ASB4: variants seen among roughly 807,000 people sequenced by gnomAD.
ASB4 encodes ankyrin repeat and SOCS box containing 4.
Under a neutral mutation model 38.6 loss-of-function variants are expected in ASB4, and 35 were observed. That is an observed-to-expected ratio of 0.91 (90% CI 0.69 to 1.20). ASB4 has a LOEUF of 1.20. Among genes scored for constraint, ASB4 ranks in the 50% most tolerant of loss-of-function variants. ASB4 has a pLI of 0.00. For synonymous variants in ASB4, 195 were observed against 201.3 expected (o/e 0.97, Z 0.26); for missense variants, 557 against 527.2 (o/e 1.06, Z -0.55).
intron 1 of ASB4, among the ~76,000 whole-genome samples, chr7:95,479,403 G>A (rs973399865): frequency 1.3e-5 from 2 of 152,148 alleles, no homozygotes; most frequent in Non-Finnish European, 2.9e-5. Flanking sequence ...TACAACCCTG[G>A]TAATTATTCT....
intron 3 of ASB4, among the ~76,000 whole-genome samples, chr7:95,530,105 C>CAAAAAAAAAAAAAA (rs60923712): frequency 8.0e-5 from 8 of 99,674 alleles, no homozygotes; most frequent in Non-Finnish European, 7.9e-5. Context: ...AAAAGCAGGG[C>CAAAAAAAAAAAAAA]AAAAAAAAAA....
upstream of ASB4, among the ~76,000 whole-genome samples, chr7:95,485,379 C>A (rs1790074170): frequency 6.6e-6 from 1 of 152,010 alleles, no homozygotes; most frequent in Non-Finnish European, 1.5e-5. Context: ...GGACCGTCTC[C>A]CCACCTCCTC....
At chr7:95,545,755 AG>A in the ASB4 span, among the ~76,000 whole-genome samples, 1 of 152,216 alleles carries the variant, frequency 6.6e-6, no homozygotes, top group South Asian at 2.1e-4. Context: ...AATAGATTGC[AG>A]GTGAGAGATC....
In ASB4 at chr7:95,540,161, A is replaced by G. The variant is rs1352325016; in HGVS notation, c.*2402A>G. 6.6e-6 allele frequency: 1 copy of G among 152,108 alleles called. No homozygotes were observed. The highest frequency in any genetic ancestry group is 2.4e-5 in the African/African-American group (1 of 41,412). The allele number at this position is 152,108 out of a possible 1,614,324, so 9.4% of individuals were successfully genotyped here. The stretch of plus-strand genomic sequence containing the variant: ...TTGTTTGTAATTTTTTTATTGGTGG[A>G]ATTAAAGTAATTTTTCCTTATCTTT... On this transcript the variant is annotated 3_prime_UTR_variant, in exon 5 of 5. Transcript: ENST00000325885.
At chr7:95,484,136 G>A (rs1451003453), upstream of ASB4, among the ~76,000 whole-genome samples, 1 of 150,316 alleles carries the variant, frequency 6.7e-6, no homozygotes, top group Non-Finnish European at 1.5e-5. Context: ...GAGATCAGCC[G>A]GGGGAACATG....
upstream of ASB4, among the ~76,000 whole-genome samples, chr7:95,476,133 A>C (rs1789974569): frequency 6.6e-6 from 1 of 152,158 alleles, no homozygotes; most frequent in African/African-American, 2.4e-5. Context: ...AGTATGGTCT[A>C]ATTTCATTCG....
In ASB4 at chr7:95,538,436, C is replaced by G. The variant is rs1251406923; in HGVS notation, c.*677C>G. On this transcript the variant is annotated 3_prime_UTR_variant, in exon 5 of 5. Coordinates refer to ENST00000325885, the MANE Select transcript of ASB4 (RefSeq NM_016116.3). ...AAAGATGAGTCCCATGTGACTCCTG[C>G]CTTCCAGGATCTCACCATTTAGCAG... is the stretch of plus-strand genomic sequence containing the variant. 1 of 152,230 alleles carries G rather than the reference C, an allele frequency of 6.6e-6. No individual in the cohort carries two copies. The highest frequency in any genetic ancestry group is 1.5e-5 in the Non-Finnish European group (1 of 68,066). 9.4% of individuals were successfully genotyped at this position (152,230 alleles called of 1,614,324 possible). A position where few individuals can be genotyped will look rare whatever the true frequency, so the allele number is the denominator to read the frequency against.
chr7:95,534,358 A>T (rs953600548), intron 3 of ASB4, among the ~76,000 whole-genome samples: 6 of 151,630 alleles, frequency 4.0e-5, no homozygotes, highest in African/African-American at 1.2e-4. Flanking sequence ...AAAAAAGATG[A>T]ACTATCCTCC....
At chr7:95,488,440 A>G (rs1585794294) in intron 1 of ASB4, among the ~76,000 whole-genome samples, 1 of 152,352 alleles carries the variant, frequency 6.6e-6, no homozygotes, top group Non-Finnish European at 1.5e-5. Flanking sequence ...TAGGAATGGA[A>G]ATGACAAATA....
chr7:95,498,737 ATT>A (rs1173665989), intron 2 of ASB4, among the ~76,000 whole-genome samples: 11 of 152,124 alleles, frequency 7.2e-5, no homozygotes, highest in Non-Finnish European at 1.5e-4. Flanking sequence ...CTAGCAAAAA[ATT>A]TGTTTCATAT....
At chr7:95,528,330 G>A in intron 3 of ASB4, 27 bp downstream of exon 3, 1 of 1,613,020 alleles carries the variant, frequency 6.2e-7, no homozygotes, top group Non-Finnish European at 8.5e-7. Flanking sequence ...TGGTCAGCAG[G>A]TTGAGGAAGA....
At chr7:95,473,458 A>G (rs1022111774), upstream of ASB4, among the ~76,000 whole-genome samples, 3 of 152,160 alleles carry the variant, frequency 2.0e-5, no homozygotes, top group African/African-American at 7.2e-5. Context: ...GGACAATAAC[A>G]AGCAGTGATG....
At chr7:95,514,959 TA>T (rs1049912649) in intron 2 of ASB4, among the ~76,000 whole-genome samples, 7 of 152,218 alleles carry the variant, frequency 4.6e-5, no homozygotes, top group African/African-American at 1.7e-4. Context: ...GGGGCTGTTC[TA>T]AACCTTTATG....
intron 2 of ASB4, among the ~76,000 whole-genome samples, chr7:95,517,507 CA>C (rs1410067953): frequency 8.0e-5 from 12 of 149,942 alleles, no homozygotes; most frequent in Non-Finnish European, 1.5e-5. Flanking sequence ...CAAAGTGAGG[CA>C]AAAATTTAGG....
intron 1 of ASB4, among the ~76,000 whole-genome samples, chr7:95,495,204 A>G (rs772995615): frequency 2.0e-5 from 3 of 152,230 alleles, no homozygotes; most frequent in Non-Finnish European, 4.4e-5. Context: ...GCATAAATCA[A>G]CAGGCAGGCA....
At chr7:95,484,731 G>T (rs755464525), upstream of ASB4, among the ~76,000 whole-genome samples, 1 of 151,900 alleles carries the variant, frequency 6.6e-6, no homozygotes, top group African/African-American at 2.4e-5. Context: ...CAATTTATTT[G>T]CATTCTCTTT....
chr7:95,515,300 TCTTTCTTTCTTTCTTTCTTCCTTC>T (rs1390995050), intron 2 of ASB4, among the ~76,000 whole-genome samples: 12 of 129,320 alleles, frequency 9.3e-5, no homozygotes, highest in African/African-American at 3.4e-4. Flanking sequence ...TTTCTTTCTT[TCTTTCTTTCTTTCTTTCTTCCTTC>T]CTTCCTTCCT....
rs1055916901 is a variant in ASB4 at position 95,495,847 on chromosome 7, G to A, written c.277G>A (p.Val93Met). Residue 93 changes from valine to methionine, a missense_variant, in exon 2 of 5, where the codon GTG becomes ATG. Coordinates refer to ENST00000325885, the MANE Select transcript of ASB4 (RefSeq NM_016116.3). ...GTTTGGCCATGTGGAATGTCTTCTG[G>A]TGCTACTGGACCACAATGCTACAAT... ...VLFGHVECLL[V>M]LLDHNATINC... 1.9e-6 allele frequency: 3 copies of A among 1,613,748 alleles called. No homozygotes were observed. The highest frequency in any genetic ancestry group is 1.7e-5 in the Admixed American group (1 of 59,964).
chr7:95,550,291 G>C, the ASB4 span, among the ~76,000 whole-genome samples: 852 of 152,228 alleles, frequency 5.6e-3, 9 homozygotes, highest in African/African-American at 0.019. Flanking sequence ...GACTAAGCCA[G>C]GCCCTGCCCA....
Sources: allele counts gnomAD v4.1 joint callset (sites outside exome capture counted in the v4.1 genomes callset), GRCh38; gene constraint gnomAD v4.1.1; transcripts MANE v1.5; gene names NCBI Gene and HGNC (gene_info 2026-07-23, HGNC 2026-07-21).